MSI2: variants seen among roughly 807,000 people sequenced by gnomAD.
MSI2 encodes the protein musashi RNA binding protein 2.
Under a neutral mutation model 45.6 loss-of-function variants are expected in MSI2, and 17 were observed. The ratio of observed to expected loss-of-function variants is 0.37; its 90% CI spans 0.26 to 0.56. MSI2 has a LOEUF of 0.56. Among genes scored for constraint, MSI2 ranks in the 20% least tolerant of loss-of-function variants. The pLI is 0.77. For missense variants in MSI2, 293 were observed against 444.2 expected (o/e 0.66, Z 3.06); for synonymous variants, 156 against 158.2 (o/e 0.99, Z 0.11).
At chr17:57,461,233 G>C (rs1196122310) in intron 6 of MSI2, among the ~76,000 whole-genome samples, 1 of 152,140 alleles carries the variant, frequency 6.6e-6, no homozygotes, top group African/African-American at 2.4e-5. Context: ...TCTTCTCTGG[G>C]CTCCACACAC....
chr17:57,547,154 G>T (rs1291548656), intron 7 of MSI2, among the ~76,000 whole-genome samples: 1 of 152,184 alleles, frequency 6.6e-6, no homozygotes, highest in Non-Finnish European at 1.5e-5. Context: ...GGCATGGGAA[G>T]GAACTGATTG....
intron 7 of MSI2, among the ~76,000 whole-genome samples, chr17:57,540,827 T>C (rs572725562): frequency 4.3e-4 from 65 of 152,340 alleles, no homozygotes; most frequent in African/African-American, 1.5e-3. Context: ...TAAGTTTCTG[T>C]TGTTTTAAGC....
intron 5 of MSI2, among the ~76,000 whole-genome samples, chr17:57,330,221 TG>T (rs1374312808): frequency 6.6e-6 from 1 of 152,106 alleles, no homozygotes; most frequent in Admixed American, 6.5e-5. Flanking sequence ...ACACTGTGCC[TG>T]TCTCTCTTGA....
At chr17:57,473,289 T>C (rs190068669) in intron 6 of MSI2, among the ~76,000 whole-genome samples, 245 of 152,356 alleles carry the variant, frequency 1.6e-3, no homozygotes, top group Non-Finnish European at 3.0e-3. Context: ...ATGTATTTTG[T>C]CTGTAATGCA....
At chr17:57,474,375 C>T (rs528957389) in intron 6 of MSI2, among the ~76,000 whole-genome samples, 3 of 152,304 alleles carry the variant, frequency 2.0e-5, no homozygotes, top group Non-Finnish European at 4.4e-5. Context: ...CTGTTCAACT[C>T]ATGCAGACCA....
the MSI2 span, among the ~76,000 whole-genome samples, chr17:57,699,563 C>T: frequency 2.0e-5 from 3 of 152,130 alleles, no homozygotes; most frequent in African/African-American, 7.2e-5. Context: ...TATACCCTTT[C>T]CCTCAAGATT....
chr17:57,522,368 C>T (rs1403611540), intron 6 of MSI2: 1 of 152,158 alleles, frequency 6.6e-6, no homozygotes, highest in Non-Finnish European at 1.5e-5. Flanking sequence ...TTCCCTTTCC[C>T]CTCCCTCCTT....
intron 10 of MSI2, among the ~76,000 whole-genome samples, chr17:57,650,939 G>T (rs1294940998): frequency 6.6e-6 from 1 of 152,170 alleles, no homozygotes; most frequent in African/African-American, 2.4e-5. Flanking sequence ...AAGTTGAGCA[G>T]CCCTGTTGGG....
At chr17:57,601,721 G>A (rs955086409) in intron 8 of MSI2, 3 of 152,418 alleles carry the variant, frequency 2.0e-5, no homozygotes, top group African/African-American at 4.8e-5. Flanking sequence ...TGCCTGGGAC[G>A]AGGGCATCTC....
chr17:57,685,650 G>A (rs1464163139), downstream of MSI2: 1 of 152,272 alleles, frequency 6.6e-6, no homozygotes, highest in East Asian at 1.9e-4. Context: ...ACAGTCGAAG[G>A]TGCATTCCTT....
intron 6 of MSI2, among the ~76,000 whole-genome samples, chr17:57,428,273 G>C (rs1018615522): frequency 1.3e-5 from 2 of 152,190 alleles, no homozygotes; most frequent in Non-Finnish European, 2.9e-5. Context: ...ACCCAGGCTG[G>C]TGTGCAGTGG....
chr17:57,503,166 A>G (rs571391870), intron 6 of MSI2, among the ~76,000 whole-genome samples: 2 of 152,320 alleles, frequency 1.3e-5, no homozygotes, highest in East Asian at 3.9e-4. Flanking sequence ...AGAGACTGAT[A>G]CGAGTCCAAG....
chr17:57,603,095 C>G (rs1906093778), intron 8 of MSI2, among the ~76,000 whole-genome samples: 1 of 152,184 alleles, frequency 6.6e-6, no homozygotes, highest in South Asian at 2.1e-4. Flanking sequence ...GACCTCCAGG[C>G]CAGTCTGGTG....
At chr17:57,536,853 G>A (rs2086931278) in intron 7 of MSI2, among the ~76,000 whole-genome samples, 1 of 152,200 alleles carries the variant, frequency 6.6e-6, no homozygotes, top group Non-Finnish European at 1.5e-5. Flanking sequence ...CAGGGTCCTA[G>A]ATGGGGTTAG....
At chr17:57,478,551 A>AT (rs1292521043) in intron 6 of MSI2, among the ~76,000 whole-genome samples, 1 of 152,232 alleles carries the variant, frequency 6.6e-6, no homozygotes, top group Admixed American at 6.5e-5. Context: ...ACATAGACAG[A>AT]TTACCACTGA....
chr17:57,638,817 A>G (rs1910032239), intron 10 of MSI2, among the ~76,000 whole-genome samples: 2 of 152,178 alleles, frequency 1.3e-5, no homozygotes, highest in African/African-American at 4.8e-5. Flanking sequence ...CGGAAGGATC[A>G]CTTGACCCGA....
chr17:57,281,240 T>A (rs995542297), intron 5 of MSI2, among the ~76,000 whole-genome samples: 9 of 152,178 alleles, frequency 5.9e-5, no homozygotes, highest in Admixed American at 1.3e-4. Flanking sequence ...AGGCCATAGT[T>A]AGCCAGGGAG....
intron 7 of MSI2, among the ~76,000 whole-genome samples, chr17:57,580,421 C>T (rs748331334): frequency 6.6e-6 from 1 of 152,194 alleles, no homozygotes; most frequent in Non-Finnish European, 1.5e-5. Context: ...CCCCAGCCTA[C>T]AGGAAACCCC....
chr17:57,586,584 T>G (rs1054766775), intron 7 of MSI2, among the ~76,000 whole-genome samples: 2 of 152,244 alleles, frequency 1.3e-5, no homozygotes, highest in African/African-American at 4.8e-5. Flanking sequence ...AGGATTTGAT[T>G]CGGGCAAACT....
Sources: gnomAD v4.1 joint callset for allele counts (sites outside exome capture counted in the v4.1 genomes callset) on GRCh38, gnomAD v4.1.1 for gene constraint, MANE v1.5 for transcripts, NCBI Gene and HGNC (gene_info 2026-07-23, HGNC 2026-07-21) for gene names.